DPP6: variants seen among roughly 807,000 people sequenced by gnomAD.
DPP6 encodes dipeptidyl peptidase like 6.
Under a neutral mutation model 122.6 loss-of-function variants are expected in DPP6, and 69 were observed. That is an observed-to-expected ratio of 0.56 (90% CI 0.46 to 0.69). DPP6 has a LOEUF of 0.69. Among genes scored for constraint, DPP6 ranks in the 30% least tolerant of loss-of-function variants. DPP6 has a pLI of 0.00. For synonymous variants in DPP6, 418 were observed against 433.1 expected (o/e 0.97, Z 0.43); for missense variants, 928 against 1,116.9 (o/e 0.83, Z 2.41).
At chr7:153,842,287 C>T in the DPP6 span, among the ~76,000 whole-genome samples, 11 of 152,148 alleles carry the variant, frequency 7.2e-5, no homozygotes, top group Admixed American at 5.2e-4. Flanking sequence ...AATTTAGTTT[C>T]ATTATATATT....
intron 1 of DPP6, among the ~76,000 whole-genome samples, chr7:154,141,451 C>G (rs71534106): frequency 6.6e-6 from 1 of 151,294 alleles, no homozygotes; most frequent in Non-Finnish European, 1.5e-5. Context: ...GTTTACTGCT[C>G]TATCTGATCA....
chr7:154,270,951 C>T (rs1803747494), intron 1 of DPP6, among the ~76,000 whole-genome samples: 2 of 152,156 alleles, frequency 1.3e-5, no homozygotes, highest in South Asian at 4.1e-4. Context: ...TCTCAAAAGC[C>T]TTCACTTCTA....
chr7:154,228,957 A>G (rs1425413842), intron 1 of DPP6, among the ~76,000 whole-genome samples: 1 of 152,202 alleles, frequency 6.6e-6, no homozygotes, highest in Non-Finnish European at 1.5e-5. Context: ...TCAGTATGGT[A>G]AGGTGAATGC....
chr7:154,547,754 GTC>G (rs1195528889), intron 4 of DPP6, among the ~76,000 whole-genome samples: 1 of 151,850 alleles, frequency 6.6e-6, no homozygotes, highest in African/African-American at 2.4e-5. Flanking sequence ...GTCTCAGAGG[GTC>G]TCTCTCTCTC....
chr7:153,858,544 A>G, the DPP6 span, among the ~76,000 whole-genome samples: 1 of 152,178 alleles, frequency 6.6e-6, no homozygotes, highest in Admixed American at 6.5e-5. Context: ...TAGATCACAC[A>G]CAAGGCTGTG....
intron 1 of DPP6, among the ~76,000 whole-genome samples, chr7:154,373,756 G>A (rs747999935): frequency 1.3e-5 from 2 of 152,050 alleles, no homozygotes; most frequent in Non-Finnish European, 2.9e-5. Context: ...TATCCCGAAC[G>A]GAAACTGCGC....
intron 1 of DPP6, among the ~76,000 whole-genome samples, chr7:153,899,492 T>A (rs1254870817): frequency 6.6e-6 from 1 of 152,202 alleles, no homozygotes; most frequent in Non-Finnish European, 1.5e-5. Flanking sequence ...TCCTGCAATG[T>A]GTTTTCTTCT....
chr7:153,875,592 A>G, the DPP6 span, among the ~76,000 whole-genome samples: 1 of 152,214 alleles, frequency 6.6e-6, no homozygotes, highest in African/African-American at 2.4e-5. Context: ...AGATATATTA[A>G]TTAATGCAAC....
chr7:153,868,572 A>G, the DPP6 span, among the ~76,000 whole-genome samples: 1 of 152,124 alleles, frequency 6.6e-6, no homozygotes, highest in African/African-American at 2.4e-5. Flanking sequence ...CTAGCAGTCT[A>G]TCAATTTTGT....
At chr7:154,169,754 G>A (rs1225833186) in intron 1 of DPP6, among the ~76,000 whole-genome samples, 2 of 152,208 alleles carry the variant, frequency 1.3e-5, no homozygotes, top group African/African-American at 2.4e-5. Context: ...TATTTGAGAT[G>A]GAGTCTCACT....
At chr7:154,658,984 C>T (rs968675954) in intron 6 of DPP6, among the ~76,000 whole-genome samples, 1 of 152,184 alleles carries the variant, frequency 6.6e-6, no homozygotes, top group Non-Finnish European at 1.5e-5. Context: ...GAAAGCCATT[C>T]AGTAGGGGAT....
chr7:154,503,314 A>G (rs1324405851), intron 3 of DPP6, among the ~76,000 whole-genome samples: 1 of 152,216 alleles, frequency 6.6e-6, no homozygotes, highest in Non-Finnish European at 1.5e-5. Flanking sequence ...GCCTCAAGGT[A>G]AAATCCAAAG....
In DPP6 at chr7:154,052,650, G is replaced by T; in HGVS notation, c.-171G>T. ...AGTCGCCAGCGGAGACTCGCGAGTG[G>T]CGCGCGGGAGGAGCGGCCGCCGGCG... On this transcript the variant is annotated 5_prime_UTR_variant, in exon 1 of 26. Coordinates refer to ENST00000377770, the MANE Select transcript of DPP6 (RefSeq NM_130797.4). This position sits in a 1 kb window ranked among gnomAD's most constrained non-coding sequence, Gnocchi z 4.8. The T allele has an allele frequency of 7.9e-7, 1 of 1,261,716 alleles. No individual in the cohort carries two copies. The allele number at this position is 1,261,716 out of a possible 1,614,324, so 78.2% of individuals were successfully genotyped here.
chr7:153,944,663 G>T (rs1446121591), intron 1 of DPP6, among the ~76,000 whole-genome samples: 4 of 103,952 alleles, frequency 3.8e-5, no homozygotes, highest in African/African-American at 1.5e-4. Flanking sequence ...TTTTTGTGTG[G>T]GTTTTTTTTT....
rs71184020 is a variant in DPP6 at position 154,646,027 on chromosome 7, C to CAAAAAA, written c.680+8167_680+8172dup. Among the ~76,000 whole-genome samples, 197 of 57,916 alleles carry CAAAAAA rather than the reference C, an allele frequency of 3.4e-3. 25 individuals carry two copies. Among genetic ancestry groups the CAAAAAA allele is most frequent in the Admixed American group, 5.2e-3 (17 of 3,282 alleles). 38.0% of individuals were successfully genotyped at this position (57,916 alleles called of 152,430 possible). ...CGGGCGGCAGAGTGAGACTCCGTCT[C>CAAAAAA]AAAAAAAAAAAAAAAAAAGAAAATA... is the stretch of plus-strand genomic sequence containing the variant. On this transcript the variant is annotated intron_variant, in intron 6 of 25. Coordinates refer to ENST00000377770, the MANE Select transcript of DPP6 (RefSeq NM_130797.4).
chr7:153,805,723 AC>A, the DPP6 span, among the ~76,000 whole-genome samples: 2 of 152,136 alleles, frequency 1.3e-5, no homozygotes, highest in Non-Finnish European at 2.9e-5. Flanking sequence ...AAAGCTGGAA[AC>A]CATCATTCTC....
intron 1 of DPP6, among the ~76,000 whole-genome samples, chr7:154,221,377 A>C (rs919989629): frequency 1.3e-5 from 2 of 152,054 alleles, no homozygotes; most frequent in African/African-American, 4.8e-5. Context: ...CTGACCTCAA[A>C]TGATCCACCC....
rs1273483181 is a variant in DPP6, at chr7:154,863,956, G to A, written c.1715-4039G>A. On this transcript the variant is annotated intron_variant, in intron 17 of 25. Coordinates refer to ENST00000377770, the MANE Select transcript of DPP6 (RefSeq NM_130797.4). The surrounding 1 kb of genome is among the most constrained non-coding windows in gnomAD (Gnocchi z 4.1). ...GGGTAAGCGGACGGCAGCTGCAAGA[G>A]CACAGGGAGGGGGCGAGGTGGGGCA... 1.3e-5 allele frequency among the ~76,000 whole-genome samples: 2 copies of A among 152,128 alleles called. No homozygotes were observed. Among genetic ancestry groups the A allele is most frequent in the Admixed American group, 6.5e-5 (1 of 15,278 alleles).
At chr7:154,003,401 T>C (rs1399409282) in intron 1 of DPP6, among the ~76,000 whole-genome samples, 1 of 152,152 alleles carries the variant, frequency 6.6e-6, no homozygotes, top group Admixed American at 6.5e-5. Context: ...GAGAAATCAG[T>C]ATTATATCAG....
Sources: allele counts gnomAD v4.1 joint callset (sites outside exome capture counted in the v4.1 genomes callset), GRCh38; gene constraint gnomAD v4.1.1; non-coding constraint Gnocchi (gnomAD v3.1); transcripts MANE v1.5; gene names NCBI Gene and HGNC (gene_info 2026-07-23, HGNC 2026-07-21).